The following CDH12 variants were observed in gnomAD, a reference collection of about 807,000 sequenced individuals.
The protein encoded by CDH12 is cadherin 12.
In CDH12, 41 loss-of-function variants were observed where a neutral mutation model predicts 74.1. The observed-to-expected ratio is 0.55, with a 90% CI of 0.43 to 0.72. The LOEUF (loss-of-function observed/expected upper bound fraction) is 0.72. CDH12 is among the 30% of genes least tolerant of loss of function. The probability of loss-of-function intolerance (pLI) is 0.00; values close to 1 mark genes in which losing one functional copy is unlikely to be tolerated. For missense variants in CDH12, 945 were observed against 977.2 expected (o/e 0.97, Z 0.44); for synonymous variants, 399 against 355.0 (o/e 1.12, Z -1.39).
chr5:22,647,637 C>A (rs183725434), intron 1 of CDH12, among the ~76,000 whole-genome samples: 1 of 151,804 alleles, frequency 6.6e-6, no homozygotes, highest in South Asian at 2.1e-4. Context: ...GTTTTCCATC[C>A]TTATGACTTC....
At chr5:22,169,962 A>C (rs1490286498) in intron 4 of CDH12, among the ~76,000 whole-genome samples, 1 of 151,952 alleles carries the variant, frequency 6.6e-6, no homozygotes, top group Non-Finnish European at 1.5e-5. Flanking sequence ...CCTATTTCTT[A>C]AAGTTATATA....
chr5:22,475,907 G>C (rs1339443814), intron 2 of CDH12, among the ~76,000 whole-genome samples: 3 of 151,900 alleles, frequency 2.0e-5, no homozygotes, highest in Non-Finnish European at 2.9e-5. Flanking sequence ...AAATTTTCTA[G>C]AGATTATTTT....
chr5:21,842,006 A>AT, intron 8 of CDH12, among the ~76,000 whole-genome samples, 155 bp downstream of exon 8: 1 of 99,152 alleles, frequency 1.0e-5, no homozygotes, highest in Non-Finnish European at 1.9e-5. Context: ...CTTAAAGTAT[A>AT]AAAAAAAAAA....
At chr5:22,727,371 T>C (rs1197564673) in intron 1 of CDH12, among the ~76,000 whole-genome samples, 1 of 151,786 alleles carries the variant, frequency 6.6e-6, no homozygotes, top group African/African-American at 2.4e-5. Context: ...TCCTTCTATC[T>C]TATTATTAAC....
At chr5:22,817,286 T>A (rs1455783956) in intron 1 of CDH12, among the ~76,000 whole-genome samples, 1 of 152,078 alleles carries the variant, frequency 6.6e-6, no homozygotes, top group African/African-American at 2.4e-5. Context: ...TAGTAAAAAA[T>A]TATGTTTCTC....
At chr5:22,610,392 T>A (rs1737336954) in intron 1 of CDH12, among the ~76,000 whole-genome samples, 1 of 152,150 alleles carries the variant, frequency 6.6e-6, no homozygotes, top group East Asian at 1.9e-4. Context: ...TTAATGCATA[T>A]AAATAAAATA....
At chr5:22,020,449 G>C (rs1247581603) in intron 5 of CDH12, among the ~76,000 whole-genome samples, 1 of 151,984 alleles carries the variant, frequency 6.6e-6, no homozygotes, top group African/African-American at 2.4e-5. Flanking sequence ...TGCTACTCGG[G>C]GGGCTGAGGC....
At chr5:22,607,772 C>T (rs887832220) in intron 1 of CDH12, among the ~76,000 whole-genome samples, 2 of 152,244 alleles carry the variant, frequency 1.3e-5, no homozygotes, top group Non-Finnish European at 1.5e-5. Flanking sequence ...GCTGCTCCAG[C>T]TATGGCTCAA....
At chr5:21,816,624 CAAAAAAAAAAAAA>C (rs542222336) in intron 9 of CDH12, among the ~76,000 whole-genome samples, 8 of 17,956 alleles carry the variant, frequency 4.5e-4, no homozygotes, top group East Asian at 6.8e-3. Flanking sequence ...AACTCCATCT[CAAAAAAAAAAAAA>C]AAAAAAAAAA....
intron 4 of CDH12, among the ~76,000 whole-genome samples, chr5:22,148,840 G>A (rs1375645247): frequency 6.6e-6 from 1 of 152,124 alleles, no homozygotes; most frequent in East Asian, 1.9e-4. Flanking sequence ...CTAACCACTG[G>A]CTGGGCATGG....
At chr5:21,832,258 A>C (rs1388037444) in intron 8 of CDH12, among the ~76,000 whole-genome samples, 1 of 152,168 alleles carries the variant, frequency 6.6e-6, no homozygotes, top group African/African-American at 2.4e-5. Context: ...TAAGTCAACA[A>C]AAATTTTCAG....
chr5:21,970,813 C>CTGGGCAAT (rs1385345857), intron 6 of CDH12, among the ~76,000 whole-genome samples: 2 of 119,318 alleles, frequency 1.7e-5, no homozygotes, highest in Non-Finnish European at 3.2e-5. Context: ...ACACTCCGGC[C>CTGGGCAAT]TGGGCAATAG....
chr5:21,839,653 T>C (rs1316000697), intron 8 of CDH12, among the ~76,000 whole-genome samples: 2 of 152,086 alleles, frequency 1.3e-5, no homozygotes, highest in Non-Finnish European at 2.9e-5. Context: ...GCCAAAGGAA[T>C]AAATAAAATG....
chr5:22,816,647 A>C (rs1322730030), intron 1 of CDH12, among the ~76,000 whole-genome samples: 1 of 152,128 alleles, frequency 6.6e-6, no homozygotes, highest in African/African-American at 2.4e-5. Context: ...CACTTTTAGC[A>C]TTGATTAGGT....
chr5:22,606,340 A>G (rs1039500038), intron 1 of CDH12, among the ~76,000 whole-genome samples: 1 of 152,178 alleles, frequency 6.6e-6, no homozygotes, highest in Non-Finnish European at 1.5e-5. Context: ...ACTGCTTTCT[A>G]GGATGTAGCC....
At chr5:22,249,156 A>C (rs1753055076) in intron 3 of CDH12, among the ~76,000 whole-genome samples, 1 of 152,222 alleles carries the variant, frequency 6.6e-6, no homozygotes, top group African/African-American at 2.4e-5. Context: ...AAAAAATGAC[A>C]AAAGTATCAC....
intron 4 of CDH12, among the ~76,000 whole-genome samples, chr5:22,148,903 G>T (rs1289339255): frequency 6.6e-6 from 1 of 152,142 alleles, no homozygotes; most frequent in Non-Finnish European, 1.5e-5. Flanking sequence ...TGCGGAACAC[G>T]AGGTCAGGAG....
chr5:22,200,248 C>T (rs2150353875), intron 4 of CDH12, among the ~76,000 whole-genome samples: 1 of 152,208 alleles, frequency 6.6e-6, no homozygotes, highest in Admixed American at 6.5e-5. Context: ...TCAAGTACAA[C>T]ATAGCCAATT....
intron 13 of CDH12, among the ~76,000 whole-genome samples, chr5:21,756,180 A>G (rs1156706891): frequency 6.6e-6 from 1 of 152,132 alleles, no homozygotes; most frequent in African/African-American, 2.4e-5. Flanking sequence ...CATGCATAAT[A>G]GAAAATATTA....
Sources: gnomAD v4.1 joint callset for allele counts (sites outside exome capture counted in the v4.1 genomes callset) on GRCh38, gnomAD v4.1.1 for gene constraint, MANE v1.5 for transcripts, NCBI Gene and HGNC (gene_info 2026-07-23, HGNC 2026-07-21) for gene names.